Variants in SNCAIP observed in about 807,000 individuals in gnomAD.
SNCAIP encodes the protein synphilin-1.
SNCAIP carries 43 observed loss-of-function variants against 86.7 expected under a neutral mutation model. The ratio of observed to expected loss-of-function variants is 0.50; its 90% CI spans 0.39 to 0.64. The LOEUF (loss-of-function observed/expected upper bound fraction) is 0.64, where lower values mean the gene tolerates loss of function less well. Ranked by LOEUF, SNCAIP falls within the 30% of genes least tolerant of loss-of-function variation. SNCAIP has a pLI of 0.00. For missense variants in SNCAIP, 981 were observed against 1,103.1 expected (o/e 0.89, Z 1.57); for synonymous variants, 417 against 427.2 (o/e 0.98, Z 0.29).
At chr5:122,312,157 G>C (rs1202733393), upstream of SNCAIP, 1 of 150,774 alleles carries the variant, frequency 6.6e-6, no homozygotes, top group African/African-American at 2.4e-5. Flanking sequence ...TGACGTAGCG[G>C]GGCCGCGGCA....
chr5:122,374,326 G>C (rs1480174033), intron 1 of SNCAIP, among the ~76,000 whole-genome samples: 1 of 152,116 alleles, frequency 6.6e-6, no homozygotes, highest in Non-Finnish European at 1.5e-5. Flanking sequence ...CTTTATTCCA[G>C]CTGTTCTTAC....
At chr5:122,332,366 T>A (rs779771953) in intron 1 of SNCAIP, among the ~76,000 whole-genome samples, 27 of 152,124 alleles carry the variant, frequency 1.8e-4, no homozygotes, top group Non-Finnish European at 3.2e-4. Flanking sequence ...ATAACAGAAA[T>A]GAGGGGGAAA....
intron 3 of SNCAIP, among the ~76,000 whole-genome samples, chr5:122,417,897 A>G (rs913338233): frequency 1.1e-4 from 17 of 152,226 alleles, no homozygotes; most frequent in African/African-American, 4.1e-4. Context: ...TGAAACAGGT[A>G]TATGAGTGAA....
chr5:122,460,347 A>AT (rs530573769), intron 10 of SNCAIP, among the ~76,000 whole-genome samples: 1 of 152,304 alleles, frequency 6.6e-6, no homozygotes, highest in South Asian at 2.1e-4. Context: ...GAATGATTAC[A>AT]TATCTTGCCC....
chr5:122,419,080 G>A (rs1206588844), intron 3 of SNCAIP, among the ~76,000 whole-genome samples: 2 of 152,188 alleles, frequency 1.3e-5, no homozygotes, highest in Non-Finnish European at 2.9e-5. Context: ...AAAGAGAATA[G>A]TCAAGGATGC....
intron 2 of SNCAIP, among the ~76,000 whole-genome samples, chr5:122,399,116 C>A (rs1246019104): frequency 6.6e-6 from 1 of 152,056 alleles, no homozygotes; most frequent in Admixed American, 6.6e-5. Flanking sequence ...CCAGCTCGAC[C>A]CCTCTCTTCC....
chr5:122,424,008 C>T (rs549764470), intron 4 of SNCAIP, among the ~76,000 whole-genome samples: 49 of 152,276 alleles, frequency 3.2e-4, no homozygotes, highest in African/African-American at 1.1e-3. Flanking sequence ...AAAGAGAGCC[C>T]GGCACTTTCT....
intron 1 of SNCAIP, among the ~76,000 whole-genome samples, chr5:122,381,868 C>A (rs949292731): frequency 6.6e-6 from 1 of 152,018 alleles, no homozygotes; most frequent in Admixed American, 6.5e-5. Context: ...TGAATATTGG[C>A]CCCCACTCTC....
chr5:122,341,588 C>T (rs1757606104), intron 1 of SNCAIP, among the ~76,000 whole-genome samples: 2 of 152,150 alleles, frequency 1.3e-5, no homozygotes, highest in African/African-American at 4.8e-5. Context: ...ATGAACTTTG[C>T]CTAAATTCAG....
At chr5:122,392,140 C>T (rs1335020798) in intron 2 of SNCAIP, among the ~76,000 whole-genome samples, 1 of 152,148 alleles carries the variant, frequency 6.6e-6, no homozygotes, top group East Asian at 1.9e-4. Flanking sequence ...GTTGTTTATT[C>T]ATCTACTTTA....
intron 2 of SNCAIP, chr5:122,400,858 A>T: frequency 2.0e-6 from 2 of 977,410 alleles, no homozygotes; most frequent in Non-Finnish European, 2.8e-6. Flanking sequence ...AAACAAATTT[A>T]GATCAAAAGT....
At chr5:122,461,925 TC>T (rs1348707478) in intron 10 of SNCAIP, among the ~76,000 whole-genome samples, 3 of 152,214 alleles carry the variant, frequency 2.0e-5, no homozygotes, top group Admixed American at 2.0e-4. Context: ...TGCCTCAGCC[TC>T]CCAAAATGTT....
intron 8 of SNCAIP, 128 bp from the exon 9 acceptor site, chr5:122,449,717 T>G (rs1253436318): frequency 1.3e-6 from 1 of 757,674 alleles, no homozygotes; most frequent in Non-Finnish European, 2.4e-6. Flanking sequence ...AGGATGAATA[T>G]TATGCACATT....
chr5:122,351,728 C>G (rs968880031), intron 1 of SNCAIP, among the ~76,000 whole-genome samples: 5 of 152,026 alleles, frequency 3.3e-5, no homozygotes, highest in African/African-American at 1.2e-4. Flanking sequence ...TGTTTGGACC[C>G]AGCTGTAACT....
intron 3 of SNCAIP, among the ~76,000 whole-genome samples, chr5:122,411,506 T>C (rs879412763): frequency 1.1e-4 from 16 of 152,120 alleles, no homozygotes; most frequent in Admixed American, 3.9e-4. Flanking sequence ...ATGGGCTCTA[T>C]CTTCCCATTT....
intron 1 of SNCAIP, among the ~76,000 whole-genome samples, chr5:122,378,495 G>C (rs1176792145): frequency 7.0e-6 from 1 of 142,000 alleles, no homozygotes. Flanking sequence ...TAGGTTGCCT[G>C]TTCACTCTGA....
chr5:122,429,551 TA>T (rs929195323), intron 5 of SNCAIP, among the ~76,000 whole-genome samples: 2 of 152,142 alleles, frequency 1.3e-5, no homozygotes, highest in African/African-American at 4.8e-5. Context: ...CCAGTTTGCT[TA>T]AACCGTCTTG....
chr5:122,403,972 T>A (rs1239772034), intron 3 of SNCAIP, 107 bp downstream of exon 3: 3 of 816,758 alleles, frequency 3.7e-6, no homozygotes, highest in Non-Finnish European at 6.3e-6. Flanking sequence ...TTTTCTTTTC[T>A]CTTTACGGCT....
intron 3 of SNCAIP, among the ~76,000 whole-genome samples, chr5:122,407,849 T>A (rs769772149): frequency 3.2e-4 from 49 of 152,210 alleles, no homozygotes; most frequent in Non-Finnish European, 6.0e-4. Context: ...CAGGGTCATG[T>A]AGCCTGTACT....
Sources: gnomAD v4.1 joint callset for allele counts (sites outside exome capture counted in the v4.1 genomes callset) on GRCh38, gnomAD v4.1.1 for gene constraint, MANE v1.5 for transcripts, NCBI Gene and HGNC (gene_info 2026-07-23, HGNC 2026-07-21) for gene names.